Variants in RAB3C observed in about 807,000 individuals in gnomAD.
The protein encoded by RAB3C is RAB3C, member RAS oncogene family.
RAB3C carries 17 observed loss-of-function variants against 26.4 expected under a neutral mutation model. That is an observed-to-expected ratio of 0.64 (90% CI 0.44 to 0.97). The LOEUF is 0.97. Ranked by LOEUF, RAB3C falls within the 50% of genes least tolerant of loss-of-function variation. The pLI is 0.00. For missense variants in RAB3C, 242 were observed against 281.9 expected, an observed-to-expected ratio of 0.86 and a Z score of 1.01; for synonymous variants, 91 against 95.9, an observed-to-expected ratio of 0.95 and a Z score of 0.30.
chr5:58,765,155 G>T (rs1741873037), intron 3 of RAB3C, among the ~76,000 whole-genome samples: 1 of 152,162 alleles, frequency 6.6e-6, no homozygotes, highest in Non-Finnish European at 1.5e-5. Context: ...CTTGGGAAAA[G>T]TAAGGTTAAT....
At chr5:58,804,618 T>C (rs1742890703) in intron 3 of RAB3C, among the ~76,000 whole-genome samples, 1 of 152,146 alleles carries the variant, frequency 6.6e-6, no homozygotes, top group Non-Finnish European at 1.5e-5. Flanking sequence ...TAAAGCTGGT[T>C]TGGCCTGAAT....
In RAB3C at chr5:58,810,458, A is replaced by G. The variant is rs1743050631; in HGVS notation, c.372-14580A>G. ...TTGTTTTGTTTTGTTTTGAGATATG[A>G]TCATTACTATTTAATATGATCTTCT... On this transcript the variant is annotated intron_variant, in intron 3 of 4. Transcript: ENST00000282878. Among the ~76,000 whole-genome samples the G allele has an allele frequency of 3.3e-5, 5 of 150,540 alleles. No individual in the cohort carries two copies. In the South Asian group the frequency reaches 1.0e-3, roughly 32 times the overall value.
intron 4 of RAB3C, among the ~76,000 whole-genome samples, chr5:58,839,385 T>TTTATTTATTTA (rs1743826380): frequency 8.7e-6 from 1 of 114,384 alleles, no homozygotes; most frequent in Non-Finnish European, 1.9e-5. Flanking sequence ...TTATTTATTT[T>TTTATTTATTTA]TTGAGACAGA....
chr5:58,803,615 C>A (rs1742863044), intron 3 of RAB3C, among the ~76,000 whole-genome samples: 1 of 152,166 alleles, frequency 6.6e-6, no homozygotes, highest in Non-Finnish European at 1.5e-5. Context: ...AGTGTCATAT[C>A]TGCTGCACAG....
At chr5:58,825,586 T>C (rs1034954546) in intron 4 of RAB3C, among the ~76,000 whole-genome samples, 1 of 152,228 alleles carries the variant, frequency 6.6e-6, no homozygotes, top group African/African-American at 2.4e-5. Context: ...ATTCTGATTC[T>C]AGTGACATCA....
intron 4 of RAB3C, among the ~76,000 whole-genome samples, chr5:58,842,357 C>G (rs2112081110): frequency 6.6e-6 from 1 of 152,226 alleles, no homozygotes; most frequent in East Asian, 1.9e-4. Context: ...GACTTTGTGG[C>G]ACTTACTTAA....
chr5:58,688,708 T>C (rs141546715), intron 2 of RAB3C, among the ~76,000 whole-genome samples: 44 of 152,232 alleles, frequency 2.9e-4, no homozygotes, highest in African/African-American at 1.0e-3. Flanking sequence ...TGATATTTCT[T>C]TGGCCTTTGA....
At chr5:58,622,035 G>A (rs17344335) in intron 2 of RAB3C, among the ~76,000 whole-genome samples, 17,207 of 152,160 alleles carry the variant, frequency 0.11, 1,193 homozygotes, top group Middle Eastern at 0.19. Flanking sequence ...TTCAAATAAA[G>A]CATTTTAACA....
In RAB3C at chr5:58,661,067, A is replaced by G. The variant is rs1023912828; in HGVS notation, c.252+43197A>G. Among the ~76,000 whole-genome samples the G allele has an allele frequency of 2.7e-5, 4 of 150,136 alleles. 1 individual carries two copies. Among genetic ancestry groups the G allele is most frequent in the African/African-American group, 1.0e-4 (4 of 39,496 alleles). On this transcript the variant is annotated intron_variant, in intron 2 of 4. Transcript: ENST00000282878. Reference sequence around the variant, plus strand: ...ACATGATAATGTTCCTGCCTCCCCAAAATTCATCTCTTATTTTAAGGTCCT... The same window carrying G: ...ACATGATAATGTTCCTGCCTCCCCAGAATTCATCTCTTATTTTAAGGTCCT...
At chr5:58,810,385 C>CTCTCTCTCTGTG (rs879294409) in intron 3 of RAB3C, among the ~76,000 whole-genome samples, 1 of 146,912 alleles carries the variant, frequency 6.8e-6, no homozygotes, top group Non-Finnish European at 1.5e-5. Context: ...CTCTCTCTCT[C>CTCTCTCTCTGTG]TGTGTGTGTG....
chr5:58,650,265 A>G (rs142319413), intron 2 of RAB3C, among the ~76,000 whole-genome samples: 2 of 152,200 alleles, frequency 1.3e-5, no homozygotes, highest in African/African-American at 4.8e-5. Context: ...CAAATTTAAG[A>G]TGCAAGATAT....
At chr5:58,688,878 G>A (rs1327985111) in intron 2 of RAB3C, among the ~76,000 whole-genome samples, 1 of 152,054 alleles carries the variant, frequency 6.6e-6, no homozygotes, top group South Asian at 2.1e-4. Context: ...TATTTGATTT[G>A]TTTTTGCCTT....
intron 1 of RAB3C, among the ~76,000 whole-genome samples, chr5:58,606,399 T>C (rs1184818294): frequency 6.6e-6 from 1 of 152,162 alleles, no homozygotes; most frequent in African/African-American, 2.4e-5. Context: ...GAAGCACAAA[T>C]TGGGCAGAGC....
At chr5:58,822,828 A>T in intron 3 of RAB3C, 1 of 626,480 alleles carries the variant, frequency 1.6e-6, no homozygotes, top group South Asian at 1.4e-5. Flanking sequence ...CCACTGGCCC[A>T]CGGGCTTCTC....
intron 3 of RAB3C, among the ~76,000 whole-genome samples, chr5:58,767,171 C>A (rs1426237768): frequency 2.6e-5 from 4 of 152,178 alleles, no homozygotes; most frequent in African/African-American, 9.7e-5. Context: ...TCTGTGGAGT[C>A]TTCACAGTTT....
At chr5:58,620,196 T>C (rs925754591) in intron 2 of RAB3C, among the ~76,000 whole-genome samples, 1 of 152,212 alleles carries the variant, frequency 6.6e-6, no homozygotes, top group African/African-American at 2.4e-5. Context: ...CACTTGGGAA[T>C]CCTTCACTTT....
At chr5:58,695,157 A>G (rs1445247261) in intron 2 of RAB3C, among the ~76,000 whole-genome samples, 1 of 152,124 alleles carries the variant, frequency 6.6e-6, no homozygotes, top group Admixed American at 6.5e-5. Context: ...ATGGCTAGCC[A>G]GTTTTCCCAG....
intron 2 of RAB3C, among the ~76,000 whole-genome samples, chr5:58,640,911 C>G (rs1349456323): frequency 1.3e-5 from 2 of 152,148 alleles, no homozygotes; most frequent in Non-Finnish European, 2.9e-5. Context: ...AGTTGAGTTA[C>G]CTTTTTGGTA....
intron 2 of RAB3C, among the ~76,000 whole-genome samples, chr5:58,646,396 A>C (rs569640298): frequency 6.6e-6 from 1 of 152,040 alleles, no homozygotes; most frequent in African/African-American, 2.4e-5. Flanking sequence ...CTACAAATAC[A>C]TGAGTTAGAT....
Sources: allele counts gnomAD v4.1 joint callset (sites outside exome capture counted in the v4.1 genomes callset), GRCh38; gene constraint gnomAD v4.1.1; transcripts MANE v1.5; gene names NCBI Gene and HGNC (gene_info 2026-07-23, HGNC 2026-07-21).